The following SH3YL1 variants were observed in gnomAD, a reference collection of about 807,000 sequenced individuals.
SH3YL1 encodes the protein SH3 and SYLF domain containing 1, also known as SH3 domain-containing YSC84-like protein 1.
Under a neutral mutation model 45.8 loss-of-function variants are expected in SH3YL1, and 41 were observed. That is an observed-to-expected ratio of 0.89 (90% CI 0.70 to 1.16). SH3YL1 has a LOEUF of 1.16. Among genes scored for constraint, SH3YL1 ranks in the 50% most tolerant of loss-of-function variants. The pLI is 0.00. For missense variants in SH3YL1, 389 were observed against 409.6 expected (o/e 0.95, Z 0.43); for synonymous variants, 152 against 151.4 (o/e 1.00, Z -0.03).
chr2:218,835 T>C lies in SH3YL1; in HGVS notation c.1005A>G (p.Pro335=). 1 of 1,613,668 alleles carries C rather than the reference T, an allele frequency of 6.2e-7. No individual in the cohort carries two copies. Among genetic ancestry groups the C allele is most frequent in the East Asian group, 2.2e-5 (1 of 44,878 alleles). The change falls in exon 10 of 10, where the codon CCA becomes CCG. Residue 335 remains proline, a synonymous_variant. Coordinates refer to ENST00000356150, the MANE Select transcript of SH3YL1 (RefSeq NM_015677.4). The stretch of plus-strand genomic sequence containing the variant: ...TTTAATTCATGGTTACGTAGTTGGC[T>C]GGAAAAATGCCAGTTTGACCTCGAA... The part of the protein sequence containing the change: ...GKLRGQTGIF[P]ANYVTMN
intron 8 of SH3YL1, 104 bp from the exon 9 acceptor site, chr2:225,024 A>G (rs1667734946): frequency 2.4e-6 from 2 of 834,218 alleles, no homozygotes; most frequent in Admixed American, 3.9e-5. Flanking sequence ...AATATTTTAA[A>G]TCACTAAGTT....
upstream of SH3YL1, chr2:264,420 C>T: frequency 5.0e-6 from 1 of 199,606 alleles, no homozygotes; most frequent in Non-Finnish European, 1.0e-5. Flanking sequence ...CGCGCTGTGC[C>T]CCAACCCAGG....
intron 1 of SH3YL1, chr2:263,671 G>T: frequency 5.7e-6 from 2 of 351,658 alleles, no homozygotes; most frequent in Non-Finnish European, 1.0e-5. Flanking sequence ...CTGTGGAACG[G>T]AAGGATGGTC....
chr2:254,100 ACTAT>A (rs1253607882), intron 1 of SH3YL1, among the ~76,000 whole-genome samples: 9 of 152,062 alleles, frequency 5.9e-5, no homozygotes, highest in East Asian at 3.8e-4. Flanking sequence ...ATATTTTGTA[ACTAT>A]CTATAATATA....
Position 251,907 on chromosome 2 carries a change from C to A in SH3YL1, c.112+1098G>T, listed in dbSNP as rs562892523. The stretch of plus-strand genomic sequence containing the variant: ...TGGCTTAGAAAAATTAACTTTATCT[C>A]TTTAATGCAGGACCCAGAGTCATGC... On this transcript the variant is annotated intron_variant, in intron 2 of 9. Transcript: ENST00000356150. Among the ~76,000 whole-genome samples, 3 of 152,302 alleles carry A rather than the reference C, an allele frequency of 2.0e-5. No individual in the cohort carries two copies. In the South Asian group the frequency reaches 6.2e-4, roughly 32 times the overall value.
rs371764388 is a variant in SH3YL1, at chr2:231,018, G to A, written c.702+5C>T. 33 of 1,613,552 alleles carry A rather than the reference G, an allele frequency of 2.0e-5. No individual in the cohort carries two copies. Among genetic ancestry groups the A allele is most frequent in the South Asian group, 1.8e-4 (16 of 91,034 alleles). On this transcript the variant is annotated splice_donor_5th_base_variant and intron_variant, in intron 7 of 9. Coordinates refer to ENST00000356150, the MANE Select transcript of SH3YL1 (RefSeq NM_015677.4). The stretch of plus-strand genomic sequence containing the variant: ...TACTGAGTGAAACATAAAACCAAAC[G>A]GTACAGAAGACTTCCTCTGCTCCCT...
At chr2:231,589 CTG>C (rs1668047967) in intron 6 of SH3YL1, among the ~76,000 whole-genome samples, 1 of 152,084 alleles carries the variant, frequency 6.6e-6, no homozygotes, top group South Asian at 2.1e-4. Flanking sequence ...GTACCTATAA[CTG>C]TGGCTTTGTA....
intron 8 of SH3YL1, among the ~76,000 whole-genome samples, chr2:229,021 G>T (rs1667915517): frequency 6.6e-6 from 1 of 152,152 alleles, no homozygotes; most frequent in Admixed American, 6.5e-5. Context: ...CTAAAGGCAA[G>T]ATCTACGTTA....
chr2:249,649 C>T (rs1419307849), intron 3 of SH3YL1, 82 bp downstream of exon 3: 1 of 1,014,236 alleles, frequency 9.9e-7, no homozygotes, highest in Non-Finnish European at 1.5e-6. Context: ...ACCTGTCCTA[C>T]TCGCTATGCA....
chr2:253,164 G>A (rs1010024292), intron 1 of SH3YL1, 49 bp from the exon 2 acceptor site: 15 of 1,045,360 alleles, frequency 1.4e-5, no homozygotes, highest in Non-Finnish European at 2.1e-5. Context: ...CTAAATAGAA[G>A]TGAGAAATTT....
intron 1 of SH3YL1, among the ~76,000 whole-genome samples, chr2:255,496 C>T (rs544173995): frequency 2.1e-4 from 32 of 152,038 alleles, no homozygotes; most frequent in Admixed American, 1.5e-3. Context: ...ACCCAGGAGG[C>T]GGAGGCAGGA....
intron 1 of SH3YL1, chr2:260,647 C>T (rs1352865146): frequency 6.6e-6 from 1 of 152,244 alleles, no homozygotes; most frequent in Non-Finnish European, 1.5e-5. Context: ...CAAAGCCAGA[C>T]TGAAGTCACA....
intron 8 of SH3YL1, among the ~76,000 whole-genome samples, chr2:225,855 G>C (rs571872213): frequency 2.6e-5 from 4 of 152,246 alleles, no homozygotes; most frequent in Middle Eastern, 3.4e-3. Flanking sequence ...AAATTACAAA[G>C]TCTTATTGAA....
intron 1 of SH3YL1, chr2:256,610 T>C (rs1669343866): frequency 6.6e-6 from 1 of 152,188 alleles, no homozygotes; most frequent in Non-Finnish European, 1.5e-5. Context: ...GGAGAATCAC[T>C]TGAACCTGGA....
intron 7 of SH3YL1, 178 bp downstream of exon 7, chr2:230,845 T>C (rs763431586): frequency 1.8e-5 from 11 of 612,270 alleles, no homozygotes; most frequent in Admixed American, 6.1e-5. Flanking sequence ...ATTATGTTTT[T>C]CCCTGAAATC....
rs1027879307 is a variant in SH3YL1, at chr2:242,989, T to C, written c.291+4549A>G. 6 of 602,690 alleles carry C rather than the reference T, an allele frequency of 1.0e-5. No homozygotes were observed. In the African/African-American group the frequency reaches 1.1e-4, roughly 11 times the overall value. The allele number at this position is 602,690 out of a possible 1,614,324, so 37.3% of individuals were successfully genotyped here. ...ATAAACATAGTAATACACATATATT[T>C]ATACAAGCACATAATATCGGAGACC... On this transcript the variant is annotated intron_variant, in intron 4 of 9. Coordinates refer to ENST00000356150, the MANE Select transcript of SH3YL1 (RefSeq NM_015677.4).
intron 4 of SH3YL1, among the ~76,000 whole-genome samples, chr2:235,390 G>C (rs1668244821): frequency 1.0e-5 from 1 of 97,172 alleles, no homozygotes; most frequent in African/African-American, 3.2e-5. Flanking sequence ...GCATGGGCCA[G>C]GGGAGGCAGC....
At chr2:245,052 C>T (rs1037759565) in intron 4 of SH3YL1, among the ~76,000 whole-genome samples, 5 of 152,180 alleles carry the variant, frequency 3.3e-5, no homozygotes, top group African/African-American at 1.2e-4. Context: ...GACTCCCTCC[C>T]TCATTAAGAC....
chr2:231,158 A>C lies in SH3YL1; in HGVS notation c.567T>G (p.Ile189Met). The C allele has an allele frequency of 6.2e-7, 1 of 1,613,816 alleles. No individual in the cohort carries two copies. The highest frequency in any genetic ancestry group is 8.5e-7 in the Non-Finnish European group (1 of 1,179,808). The change falls in exon 7 of 10, where the codon ATT becomes ATG. Residue 189 changes from isoleucine (I) to methionine (M), a missense_variant. By Grantham distance (10) the Ile-to-Met change is conservative. Coordinates refer to ENST00000356150, the MANE Select transcript of SH3YL1 (RefSeq NM_015677.4). ...FYCQDIRAYD[I>M]LFGDTPRPAQ... is the part of the protein sequence containing the mutation. Reference sequence around the variant, plus strand: ...CAGGCCGCGGTGTATCTCCAAATAAAATGTCATAAGCTCGGATATCTTGAC... The same window carrying C: ...CAGGCCGCGGTGTATCTCCAAATAACATGTCATAAGCTCGGATATCTTGAC...
Sources: gnomAD v4.1 joint callset for allele counts (sites outside exome capture counted in the v4.1 genomes callset) on GRCh38, gnomAD v4.1.1 for gene constraint, MANE v1.5 for transcripts, NCBI Gene and HGNC (gene_info 2026-07-23, HGNC 2026-07-21) for gene names.